Variants in TSC22D1 observed in about 807,000 individuals in gnomAD.
The protein encoded by TSC22D1 is TSC22 domain family protein 1.
A neutral mutation model predicts 74.2 loss-of-function variants in TSC22D1; 9 were observed. The observed-to-expected ratio is 0.12, with a 90% CI of 0.07 to 0.21. TSC22D1 has a LOEUF of 0.21. Among genes scored for constraint, TSC22D1 ranks in the 10% least tolerant of loss-of-function variants. The pLI is 1.00. For synonymous variants in TSC22D1, 586 were observed against 492.5 expected (o/e 1.19, Z -2.51); for missense variants, 1,427 against 1,304.7 (o/e 1.09, Z -1.44).
At chr13:44,565,977 T>C (rs1004804268) in intron 1 of TSC22D1, among the ~76,000 whole-genome samples, 1 of 151,976 alleles carries the variant, frequency 6.6e-6, no homozygotes. Context: ...AAAGAAAAAA[T>C]AAATAAATAA....
chr13:44,567,819 A>T (rs1883483691), intron 1 of TSC22D1, among the ~76,000 whole-genome samples: 1 of 152,214 alleles, frequency 6.6e-6, no homozygotes, highest in Admixed American at 6.5e-5. Flanking sequence ...GAATGAAAAG[A>T]TGTTTCCAAA....
intron 1 of TSC22D1, among the ~76,000 whole-genome samples, chr13:44,524,819 T>G (rs961199180): frequency 1.3e-5 from 2 of 152,120 alleles, no homozygotes; most frequent in Non-Finnish European, 2.9e-5. Flanking sequence ...ATTACAGGCG[T>G]GAGCCACCGT....
chr13:44,446,261 A>G (rs1391494275), intron 1 of TSC22D1, among the ~76,000 whole-genome samples: 1 of 152,236 alleles, frequency 6.6e-6, no homozygotes, highest in African/African-American at 2.4e-5. Flanking sequence ...GCCACACTTA[A>G]AGACTGCAAA....
chr13:44,577,329 G>A (rs1884317084), upstream of TSC22D1, among the ~76,000 whole-genome samples: 1 of 152,210 alleles, frequency 6.6e-6, no homozygotes, highest in African/African-American at 2.4e-5. Flanking sequence ...GCGGCATCGG[G>A]AGGGGAGGGA....
At chr13:44,449,088 C>A (rs1485147974) in intron 1 of TSC22D1, among the ~76,000 whole-genome samples, 2 of 152,216 alleles carry the variant, frequency 1.3e-5, no homozygotes, top group African/African-American at 4.8e-5. Context: ...AGTCAGGCAG[C>A]CTGGCTGCAG....
intron 1 of TSC22D1, among the ~76,000 whole-genome samples, chr13:44,494,983 T>C (rs1878899463): frequency 6.6e-6 from 1 of 152,032 alleles, no homozygotes. Flanking sequence ...AAAATTGCAC[T>C]AGGGAGGTTT....
intron 1 of TSC22D1, among the ~76,000 whole-genome samples, chr13:44,479,025 TA>T: frequency 6.6e-6 from 1 of 152,094 alleles, no homozygotes; most frequent in Non-Finnish European, 1.5e-5. Flanking sequence ...TATTACTGAA[TA>T]AAAAATATTA....
intron 1 of TSC22D1, among the ~76,000 whole-genome samples, chr13:44,439,975 A>G (rs546646815): frequency 2.0e-5 from 3 of 152,326 alleles, no homozygotes; most frequent in African/African-American, 4.8e-5. Context: ...AACTGCCAGG[A>G]AAGAAGCGAA....
chr13:44,436,649 C>A, intron 1 of TSC22D1: 1 of 1,595,882 alleles, frequency 6.3e-7, no homozygotes, highest in African/African-American at 1.4e-5. Flanking sequence ...CCAAAAACAC[C>A]CTCGTGGAAA....
chr13:44,464,859 C>G (rs1420661574), intron 1 of TSC22D1, among the ~76,000 whole-genome samples: 1 of 152,222 alleles, frequency 6.6e-6, no homozygotes, highest in African/African-American at 2.4e-5. Context: ...TGGTTTGGAG[C>G]TCCACTTCCT....
At chr13:44,548,723 A>G (rs1040788723) in intron 1 of TSC22D1, among the ~76,000 whole-genome samples, 2 of 152,178 alleles carry the variant, frequency 1.3e-5, no homozygotes, top group African/African-American at 4.8e-5. Context: ...TAAAAAGCCC[A>G]TATCTAAACA....
At chr13:44,437,423 G>A (rs1874804704) in intron 1 of TSC22D1, 2 of 240,574 alleles carry the variant, frequency 8.3e-6, no homozygotes, top group Non-Finnish European at 1.3e-5. Context: ...AATTTTAGAG[G>A]AAAAAAAATC....
At chr13:44,553,017 A>T (rs1393612808) in intron 1 of TSC22D1, among the ~76,000 whole-genome samples, 1 of 152,006 alleles carries the variant, frequency 6.6e-6, no homozygotes, top group Non-Finnish European at 1.5e-5. Flanking sequence ...ACAAAACGAA[A>T]ATAAGGTGGT....
intron 1 of TSC22D1, among the ~76,000 whole-genome samples, chr13:44,455,786 A>G (rs544371685): frequency 1.3e-5 from 2 of 152,336 alleles, no homozygotes; most frequent in Admixed American, 6.5e-5. Flanking sequence ...GAACACACTC[A>G]TTTATCTTTA....
intron 1 of TSC22D1, among the ~76,000 whole-genome samples, chr13:44,469,619 G>A (rs1877484381): frequency 6.6e-6 from 1 of 152,216 alleles, no homozygotes; most frequent in East Asian, 1.9e-4. Context: ...TTTAAAGCAC[G>A]AATCTTGTAT....
chr13:44,528,735 A>G (rs1454334243), intron 1 of TSC22D1, among the ~76,000 whole-genome samples: 1 of 152,044 alleles, frequency 6.6e-6, no homozygotes, highest in Non-Finnish European at 1.5e-5. Flanking sequence ...TTGATCAATA[A>G]AACTGATAAA....
At chr13:44,543,230 T>A (rs576475417) in intron 1 of TSC22D1, among the ~76,000 whole-genome samples, 2 of 152,194 alleles carry the variant, frequency 1.3e-5, no homozygotes, top group Non-Finnish European at 2.9e-5. Context: ...ATATTTGTTC[T>A]CAATATTAAA....
chr13:44,574,312 G>T lies in TSC22D1; in HGVS notation c.1763C>A (p.Thr588Asn), dbSNP rs762669566. Residue 588 changes from threonine (T) to asparagine (N), a missense_variant, in exon 1 of 3, where the codon ACT (threonine) becomes AAT (asparagine). Coordinates refer to ENST00000458659, the MANE Select transcript of TSC22D1 (RefSeq NM_183422.4). Reference protein sequence around the residue: ...QPSPVNVVGVTSALGQQPSIS... With the variant: ...QPSPVNVVGVNSALGQQPSIS... ...GGAAGGCTGCTGACCTAAAGCTGAA[G>T]TTACACCAACCACATTTACAGGCGA... 1 of 1,614,242 alleles carries T rather than the reference G, an allele frequency of 6.2e-7. No homozygotes were observed. The highest frequency in any genetic ancestry group is 8.5e-7 in the Non-Finnish European group (1 of 1,180,044).
At chr13:44,550,946 A>T (rs552459600) in intron 1 of TSC22D1, among the ~76,000 whole-genome samples, 208 of 150,530 alleles carry the variant, frequency 1.4e-3, no homozygotes, top group African/African-American at 4.2e-3. Context: ...TCTCAAAAAA[A>T]AAAAATAAAA....
Sources: gnomAD v4.1 joint callset for allele counts (sites outside exome capture counted in the v4.1 genomes callset) on GRCh38, gnomAD v4.1.1 for gene constraint, MANE v1.5 for transcripts, NCBI Gene and HGNC (gene_info 2026-07-23, HGNC 2026-07-21) for gene names.